LHFPL3: variants seen among roughly 807,000 people sequenced by gnomAD.
The protein encoded by LHFPL3 is LHFPL tetraspan subfamily member 3.
Under a neutral mutation model 19.3 loss-of-function variants are expected in LHFPL3, and 5 were observed. The observed-to-expected ratio is 0.26, with a 90% CI of 0.14 to 0.54. The LOEUF (loss-of-function observed/expected upper bound fraction) is 0.54, where lower values mean the gene tolerates loss of function less well. Ranked by LOEUF, LHFPL3 falls within the 20% of genes least tolerant of loss-of-function variation. The pLI, the probability that LHFPL3 is intolerant of heterozygous loss-of-function variation, is 0.94. For missense variants in LHFPL3, 249 were observed against 307.4 expected, an observed-to-expected ratio of 0.81 and a Z score of 1.42; for synonymous variants, 133 against 126.2, an observed-to-expected ratio of 1.05 and a Z score of -0.36.
intron 1 of LHFPL3, among the ~76,000 whole-genome samples, chr7:104,346,309 A>G (rs1790063579): frequency 1.4e-5 from 2 of 144,510 alleles, no homozygotes; most frequent in Admixed American, 6.8e-5. Flanking sequence ...GTGTTATTCC[A>G]TATTTTTAAG....
At chr7:104,875,791 G>A (rs2116670334) in intron 2 of LHFPL3, among the ~76,000 whole-genome samples, 1 of 152,300 alleles carries the variant, frequency 6.6e-6, no homozygotes, top group African/African-American at 2.4e-5. Context: ...AACATTTATT[G>A]ATCACCACTG....
At chr7:104,736,245 T>C (rs1793814741) in intron 1 of LHFPL3, among the ~76,000 whole-genome samples, 1 of 152,200 alleles carries the variant, frequency 6.6e-6, no homozygotes, top group Non-Finnish European at 1.5e-5. Context: ...GTGTTTGCCA[T>C]GTTATCCTTT....
intron 1 of LHFPL3, among the ~76,000 whole-genome samples, chr7:104,693,948 T>C (rs925871460): frequency 3.3e-5 from 5 of 152,180 alleles, no homozygotes; most frequent in Admixed American, 6.5e-5. Context: ...CTTTTGTTTA[T>C]AAGTTACTCA....
intron 1 of LHFPL3, among the ~76,000 whole-genome samples, chr7:104,693,818 AG>A (rs1792950746): frequency 7.2e-6 from 1 of 139,160 alleles, no homozygotes; most frequent in African/African-American, 2.7e-5. Flanking sequence ...TTTTTAGTAG[AG>A]ATGGGGTTTC....
At chr7:104,867,208 G>T (rs1791742794) in intron 2 of LHFPL3, among the ~76,000 whole-genome samples, 1 of 151,978 alleles carries the variant, frequency 6.6e-6, no homozygotes, top group Admixed American at 6.6e-5. Context: ...CTAGCAGAAG[G>T]CAAGAAATAA....
Position 104,668,788 on chromosome 7 carries a change from T to A in LHFPL3, c.446-67887T>A. ...CTCCTAAGGAAGATGATTCCTCTGC[T>A]AGTAACTCCCAGTCCACTCGAGCTG... is the stretch of plus-strand genomic sequence containing the variant. On this transcript the variant is annotated intron_variant, in intron 1 of 2. Transcript: ENST00000424859. 3.2e-6 allele frequency: 5 copies of A among 1,577,622 alleles called. No homozygotes were observed. The Admixed American group carries it at 8.5e-5, about 27-fold the overall frequency.
chr7:104,593,217 C>T (rs1040359411), intron 1 of LHFPL3, among the ~76,000 whole-genome samples: 6 of 151,626 alleles, frequency 4.0e-5, no homozygotes, highest in Admixed American at 6.6e-5. Flanking sequence ...TGAGTGTGTC[C>T]CAGAGATTCT....
At chr7:104,666,359 A>G (rs1562961338) in intron 1 of LHFPL3, among the ~76,000 whole-genome samples, 1 of 151,622 alleles carries the variant, frequency 6.6e-6, no homozygotes, top group African/African-American at 2.4e-5. Context: ...TCTGGTGACT[A>G]TTATTCCACT....
At chr7:104,334,613 C>T (rs1160865328) in intron 1 of LHFPL3, among the ~76,000 whole-genome samples, 2 of 152,192 alleles carry the variant, frequency 1.3e-5, no homozygotes, top group Non-Finnish European at 2.9e-5. Context: ...AGCCGTGATA[C>T]TCATTTCTCA....
At position 104,523,680 on chromosome 7, in the gene LHFPL3, G is replaced by C. The variant is rs189340924; in HGVS notation, c.445+194456G>C. 5.9e-5 allele frequency among the ~76,000 whole-genome samples: 9 copies of C among 152,296 alleles called. No individual in the cohort carries two copies. The East Asian group carries it at 1.7e-3, about 29-fold the overall frequency. The stretch of plus-strand genomic sequence containing the variant: ...TGCATGCACATGCCTCACTAGCCAT[G>C]TTGAGGTACCCTCCGAAATTGAAAT... On this transcript the variant is annotated intron_variant, in intron 1 of 2. Coordinates refer to ENST00000424859, the MANE Select transcript of LHFPL3 (RefSeq NM_199000.3).
chr7:104,475,111 A>G (rs572419587), intron 1 of LHFPL3, among the ~76,000 whole-genome samples: 18 of 152,348 alleles, frequency 1.2e-4, no homozygotes, highest in African/African-American at 4.3e-4. Context: ...CTCATATTTA[A>G]AACACCGCTT....
chr7:104,388,522 C>T (rs552288751), intron 1 of LHFPL3, among the ~76,000 whole-genome samples: 50 of 151,874 alleles, frequency 3.3e-4, no homozygotes, highest in Non-Finnish European at 6.0e-4. Flanking sequence ...TAGTAAAAAA[C>T]GAACACTTCC....
chr7:104,594,856 C>T (rs918356036), intron 1 of LHFPL3, among the ~76,000 whole-genome samples: 28 of 152,066 alleles, frequency 1.8e-4, no homozygotes, highest in African/African-American at 6.3e-4. Context: ...GCATGCATCA[C>T]GAAGTTCTCA....
In LHFPL3 at chr7:104,906,862, T is replaced by C. The variant is rs1400264613; in HGVS notation, c.*647T>C. The C allele has an allele frequency of 1.3e-5, 2 of 152,708 alleles. No homozygotes were observed. Among genetic ancestry groups the C allele is most frequent in the Non-Finnish European group, 2.9e-5 (2 of 68,082 alleles). 9.5% of individuals were successfully genotyped at this position (152,708 alleles called of 1,614,324 possible). On this transcript the variant is annotated 3_prime_UTR_variant, in exon 3 of 3. Transcript: ENST00000424859. ...TACCAAGTCTGTGTTCTGTTTAATC[T>C]GTCCATACAAGTTATTACTGAGAAA...
intron 1 of LHFPL3, among the ~76,000 whole-genome samples, chr7:104,454,659 T>C (rs932437263): frequency 6.6e-6 from 1 of 152,178 alleles, no homozygotes; most frequent in South Asian, 2.1e-4. Context: ...TTCAGGGTTA[T>C]TGGGGTAAAT....
Position 104,329,203 on chromosome 7 carries a change from G to A in LHFPL3, c.424G>A (p.Ala142Thr). The change falls in exon 1 of 3, where the codon GCC becomes ACC. Residue 142 changes from alanine (A) to threonine (T), a missense_variant. Physicochemically the swap from Ala to Thr is moderately conservative, Grantham distance 58. Coordinates refer to ENST00000424859, the MANE Select transcript of LHFPL3 (RefSeq NM_199000.3). Reference sequence around the variant, plus strand: ...CACGGCCACTGTGTACAAGATATGTGCCTGGATGCAGCTCACCTCCGGTGA... The same window carrying A: ...CACGGCCACTGTGTACAAGATATGTACCTGGATGCAGCTCACCTCCGGTGA... ...CNTATVYKICAWMQLTSAACL... is the reference protein window; with the variant it reads ...CNTATVYKICTWMQLTSAACL... 1 of 1,609,352 alleles carries A rather than the reference G, an allele frequency of 6.2e-7. No homozygotes were observed. The highest frequency in any genetic ancestry group is 8.5e-7 in the Non-Finnish European group (1 of 1,176,284).
chr7:104,727,594 A>G (rs1002400433), intron 1 of LHFPL3, among the ~76,000 whole-genome samples: 1 of 152,240 alleles, frequency 6.6e-6, no homozygotes, highest in Non-Finnish European at 1.5e-5. Context: ...GTCAACAGCT[A>G]TGAAAGTGCA....
chr7:104,356,766 A>C (rs1790284860), intron 1 of LHFPL3, among the ~76,000 whole-genome samples: 1 of 152,154 alleles, frequency 6.6e-6, no homozygotes, highest in South Asian at 2.1e-4. Flanking sequence ...GTGGGGAGGA[A>C]ATGGCACCAA....
At chr7:104,407,049 G>C (rs1045080759) in intron 1 of LHFPL3, among the ~76,000 whole-genome samples, 8 of 152,152 alleles carry the variant, frequency 5.3e-5, no homozygotes, top group African/African-American at 1.9e-4. Context: ...TGGCTCTGTT[G>C]TACAATGGGG....
Sources: allele counts gnomAD v4.1 joint callset (sites outside exome capture counted in the v4.1 genomes callset), GRCh38; gene constraint gnomAD v4.1.1; transcripts MANE v1.5; gene names NCBI Gene and HGNC (gene_info 2026-07-23, HGNC 2026-07-21).